Variants in LIG3 observed in about 807,000 individuals in gnomAD.
LIG3 encodes DNA ligase 3, also known as ligase II, DNA, ATP-dependent.
LIG3 carries 58 observed loss-of-function variants against 110.9 expected under a neutral mutation model. The observed-to-expected ratio is 0.52, with a 90% CI of 0.42 to 0.65. The LOEUF is 0.65. LIG3 is among the 30% of genes least tolerant of loss of function. The probability of loss-of-function intolerance (pLI) is 0.00; values close to 1 mark genes in which losing one functional copy is unlikely to be tolerated. For synonymous variants in LIG3, 422 were observed against 472.8 expected (o/e 0.89, Z 1.39); for missense variants, 1,094 against 1,273.8 (o/e 0.86, Z 2.15).
At position 34,996,931 on chromosome 17, in the gene LIG3, A is replaced by G. The variant is rs2090784323; in HGVS notation, c.1823+278A>G. 7 of 411,200 alleles carry G rather than the reference A, an allele frequency of 1.7e-5. No homozygotes were observed. The South Asian group carries it at 2.8e-4, about 16-fold the overall frequency. The allele number at this position is 411,200 out of a possible 1,614,324, so 25.5% of individuals were successfully genotyped here. A position where few individuals can be genotyped will look rare whatever the true frequency, so the allele number is the denominator to read the frequency against. ...AGTCACAGAAGAAACCCAAACCCCC[A>G]AAGAAGTTTCTCTACTAAAGCAAAA... On this transcript the variant is annotated intron_variant, in intron 11 of 19. Coordinates refer to ENST00000378526, the MANE Select transcript of LIG3 (RefSeq NM_013975.4).
In LIG3 at chr17:34,980,589, A is replaced by G; in HGVS notation, c.-38A>G. ...CGCGGCCTGTAATGAGCAAGTTCCG[A>G]GGCCTACGGTGAGCGCCGGAGCCGG... On this transcript the variant is annotated 5_prime_UTR_variant, in exon 1 of 20. Coordinates refer to ENST00000378526, the MANE Select transcript of LIG3 (RefSeq NM_013975.4). 7.8e-7 allele frequency: 1 copy of G among 1,286,140 alleles called. No individual in the cohort carries two copies. The highest frequency in any genetic ancestry group is 1.0e-6 in the Non-Finnish European group (1 of 987,146). 79.7% of individuals were successfully genotyped at this position (1,286,140 alleles called of 1,614,324 possible).
At position 35,006,821 on chromosome 17, in the gene LIG3, C is replaced by CG. The variant is rs1303027849; in HGVS notation, c.*2315_*2316insG. On this transcript the variant is annotated 3_prime_UTR_variant, in exon 20 of 20. Coordinates refer to ENST00000378526, the MANE Select transcript of LIG3 (RefSeq NM_013975.4). ...CCCCCTGGCCACCCCACCGCCCCCC[C>CG]CCAACTTTGATCTGATTGACTTTGG... The CG allele has an allele frequency of 6.6e-6, 1 of 152,520 alleles. No individual in the cohort carries two copies. The highest frequency in any genetic ancestry group is 1.5e-5 in the Non-Finnish European group (1 of 68,398). The allele number at this position is 152,520 out of a possible 1,614,324, so 9.4% of individuals were successfully genotyped here. A position where few individuals can be genotyped will look rare whatever the true frequency, so the allele number is the denominator to read the frequency against.
At chr17:34,997,290 G>C (rs1597799261) in intron 11 of LIG3, 1 of 176,508 alleles carries the variant, frequency 5.7e-6, no homozygotes, top group East Asian at 1.3e-4. Context: ...GAAGGAGAAG[G>C]AAGTAGAGAG....
chr17:34,995,818 A>G lies in LIG3; in HGVS notation c.1612-246A>G, dbSNP rs574440300. On this transcript the variant is annotated intron_variant, in intron 9 of 19. Coordinates refer to ENST00000378526, the MANE Select transcript of LIG3 (RefSeq NM_013975.4). ...TTTCCTCAAAAATTGTACCTTCTCT[A>G]CAGCCCATAGAAAGTGACCCAGCAT... Among the ~76,000 whole-genome samples, 34 of 152,112 alleles carry G rather than the reference A, an allele frequency of 2.2e-4. 1 individual carries two copies. The highest frequency in any genetic ancestry group is 4.6e-4 in the Non-Finnish European group (31 of 68,012).
At chr17:34,996,233 T>A (rs1052236820) in intron 10 of LIG3, 38 bp downstream of exon 10, 3 of 1,607,270 alleles carry the variant, frequency 1.9e-6, no homozygotes, top group African/African-American at 2.7e-5. Context: ...AATGAATGAG[T>A]GTGAGTGAGT....
chr17:35,005,639 G>A lies in LIG3; in HGVS notation c.*1133G>A, dbSNP rs1481310986. On this transcript the variant is annotated 3_prime_UTR_variant, in exon 20 of 20. Transcript: ENST00000378526. Reference sequence around the variant, plus strand: ...GCACCAAATATCCCAAAACTCAATCGATTTTTTTTCTTCTATTCATTGGAT... The same window carrying A: ...GCACCAAATATCCCAAAACTCAATCAATTTTTTTTCTTCTATTCATTGGAT... 3 of 573,488 alleles carry A rather than the reference G, an allele frequency of 5.2e-6. No homozygotes were observed. Among genetic ancestry groups the A allele is most frequent in the South Asian group, 1.4e-5 (1 of 72,810 alleles). The allele number at this position is 573,488 out of a possible 1,614,324, so 35.5% of individuals were successfully genotyped here. A position where few individuals can be genotyped will look rare whatever the true frequency, so the allele number is the denominator to read the frequency against.
Position 34,983,537 on chromosome 17 carries a change from A to C in LIG3, c.532A>C (p.Thr178Pro), listed in dbSNP as rs1172510732. The C allele has an allele frequency of 1.9e-6, 3 of 1,612,978 alleles. No homozygotes were observed. Among genetic ancestry groups the C allele is most frequent in the Admixed American group, 1.7e-5 (1 of 59,862 alleles). The change falls in exon 2 of 20, where the codon ACC (threonine) becomes CCC (proline). Residue 178 changes from threonine to proline, a missense_variant. Thr to Pro is a conservative substitution (Grantham distance 38, BLOSUM62 -1). Transcript: ENST00000378526. ...GGAAGATAATGAGAAGGAACAGATA[A>C]CCCAGCACATTGCAGGTAAGGTAGA... ...ELEDNEKEQI[T>P]QHIADLSSKA...
intron 17 of LIG3, 41 bp from the exon 18 acceptor site, chr17:35,001,868 A>C: frequency 1.3e-6 from 2 of 1,569,992 alleles, no homozygotes; most frequent in Non-Finnish European, 1.7e-6. Context: ...CCAGACTGGG[A>C]AGGCAATGAA....
chr17:35,003,150 T>C, intron 19 of LIG3: 1 of 1,557,336 alleles, frequency 6.4e-7, no homozygotes, highest in South Asian at 1.2e-5. Context: ...GGTGTGGGAA[T>C]GCAGCATTGA....
At chr17:34,999,256 CTGGCAGAGA>C in intron 14 of LIG3, 42 bp from the exon 15 acceptor site, 1 of 1,570,994 alleles carries the variant, frequency 6.4e-7, no homozygotes, top group Non-Finnish European at 8.7e-7. Context: ...GCTCTTGGGA[CTGGCAGAGA>C]TGGCTCCTCC....
intron 1 of LIG3, 150 bp downstream of exon 1, chr17:34,980,772 C>T (rs1023809337): frequency 7.5e-6 from 2 of 267,524 alleles, no homozygotes; most frequent in South Asian, 2.8e-4. Flanking sequence ...CCCTCCGTGA[C>T]GTGGCGGCCC....
rs763928047 is a variant in LIG3, at chr17:34,983,161, A to G, written c.156A>G (p.Arg52=). 6.2e-7 allele frequency: 1 copy of G among 1,614,180 alleles called. No homozygotes were observed. ...DLLHGHPLFL[R]RKPVLSFQGS... ...TTCATGGACATCCCCTCTTCCTGAGAAGAAAGCCTGTTCTATCATTCCAGG... is the reference window on the plus strand; with the variant it reads ...TTCATGGACATCCCCTCTTCCTGAGGAGAAAGCCTGTTCTATCATTCCAGG... The change falls in exon 2 of 20, where the codon AGA becomes AGG. Residue 52 remains arginine, a synonymous_variant. Coordinates refer to ENST00000378526, the MANE Select transcript of LIG3 (RefSeq NM_013975.4).
At chr17:34,987,695 T>G (rs948767173) in intron 3 of LIG3, among the ~76,000 whole-genome samples, 10 of 152,194 alleles carry the variant, frequency 6.6e-5, no homozygotes, top group African/African-American at 2.4e-4. Flanking sequence ...CAGTGGCCTC[T>G]CCTACCATAG....
At chr17:34,988,190 C>CAA (rs555462146) in intron 3 of LIG3, among the ~76,000 whole-genome samples, 788 of 45,590 alleles carry the variant, frequency 0.017, 51 homozygotes, top group African/African-American at 0.042. Context: ...GACTCTGTCT[C>CAA]AAAAAAAAAA....
intron 9 of LIG3, among the ~76,000 whole-genome samples, chr17:34,995,304 T>C (rs547670998): frequency 1.1e-4 from 16 of 152,374 alleles, no homozygotes; most frequent in African/African-American, 3.8e-4. Context: ...GGAGCTTTAA[T>C]GCAGGTTCAC....
chr17:34,999,445 G>T lies in LIG3; in HGVS notation c.2252G>T (p.Ser751Ile). 1 of 1,613,764 alleles carries T rather than the reference G, an allele frequency of 6.2e-7. No homozygotes were observed. Among genetic ancestry groups the T allele is most frequent in the Middle Eastern group, 1.6e-4 (1 of 6,062 alleles). Residue 751 changes from serine to isoleucine, a missense_variant, in exon 15 of 20, where the codon AGC becomes ATC. Ser to Ile is a moderately radical substitution (Grantham distance 142, BLOSUM62 -2). Coordinates refer to ENST00000378526, the MANE Select transcript of LIG3 (RefSeq NM_013975.4). ...LQNELDMVKISKDPSKIPSWL... is the reference protein window; with the variant it reads ...LQNELDMVKIIKDPSKIPSWL... Reference sequence around the variant, plus strand: ...AATGAACTAGACATGGTGAAGATCAGCAAGGTGAGGAAGGGACCTGGTTGG... The same window carrying T: ...AATGAACTAGACATGGTGAAGATCATCAAGGTGAGGAAGGGACCTGGTTGG...
Position 35,008,226 on chromosome 17 carries a change from T to G in LIG3, c.*3720T>G, listed in dbSNP as rs190974356. The G allele has an allele frequency of 1.3e-5, 2 of 152,270 alleles. No individual in the cohort carries two copies. Among genetic ancestry groups the G allele is most frequent in the Non-Finnish European group, 2.9e-5 (2 of 68,060 alleles). 9.4% of individuals were successfully genotyped at this position (152,270 alleles called of 1,614,324 possible). Reference sequence around the variant, plus strand: ...GAACTCACTTGGTGCTTCAACCCAATTGGTCTTGGGATTCATCCTTTACCT... The same window carrying G: ...GAACTCACTTGGTGCTTCAACCCAAGTGGTCTTGGGATTCATCCTTTACCT... On this transcript the variant is annotated 3_prime_UTR_variant, in exon 20 of 20. Coordinates refer to ENST00000378526, the MANE Select transcript of LIG3 (RefSeq NM_013975.4).
At chr17:34,981,447 T>G (rs969458322) in intron 1 of LIG3, 2 of 152,190 alleles carry the variant, frequency 1.3e-5, no homozygotes, top group African/African-American at 4.8e-5. Flanking sequence ...AACCGTGCAT[T>G]TTTATCGAAT....
intron 14 of LIG3, chr17:34,999,005 T>C: frequency 2.0e-6 from 1 of 506,088 alleles, no homozygotes; most frequent in Non-Finnish European, 3.5e-6. Context: ...AGGCAAAATC[T>C]CTTTCCTGAC....
Sources: allele counts gnomAD v4.1 joint callset (sites outside exome capture counted in the v4.1 genomes callset), GRCh38; gene constraint gnomAD v4.1.1; transcripts MANE v1.5; gene names NCBI Gene and HGNC (gene_info 2026-07-23, HGNC 2026-07-21).